The following STXBP5L variants were observed in gnomAD, a reference collection of about 807,000 sequenced individuals.
STXBP5L encodes syntaxin binding protein 5L.
A neutral mutation model predicts 144.5 loss-of-function variants in STXBP5L; 65 were observed. That is an observed-to-expected ratio of 0.45 (90% CI 0.37 to 0.55). The LOEUF is 0.55. Among genes scored for constraint, STXBP5L ranks in the 20% least tolerant of loss-of-function variants. The probability of loss-of-function intolerance (pLI) is 0.00; values close to 1 mark genes in which losing one functional copy is unlikely to be tolerated. For missense variants in STXBP5L, 1,298 were observed against 1,405.5 expected (o/e 0.92, Z 1.22); for synonymous variants, 505 against 469.6 (o/e 1.08, Z -0.97).
intron 18 of STXBP5L, among the ~76,000 whole-genome samples, chr3:121,275,994 A>G (rs1372648341): frequency 6.6e-6 from 1 of 151,944 alleles, no homozygotes. Context: ...AGTCATTTAC[A>G]TTAATATACT....
chr3:121,045,346 G>A, intron 4 of STXBP5L, 89 bp from the exon 5 acceptor site: 1 of 1,178,960 alleles, frequency 8.5e-7, no homozygotes, highest in Non-Finnish European at 1.2e-6. Context: ...TCTTCAGGTA[G>A]TAAACATTGA....
At chr3:121,085,313 T>C (rs1284834712) in intron 5 of STXBP5L, among the ~76,000 whole-genome samples, 1 of 152,144 alleles carries the variant, frequency 6.6e-6, no homozygotes, top group Non-Finnish European at 1.5e-5. Flanking sequence ...CTGAGTGGTA[T>C]TGCCTGGATT....
intron 20 of STXBP5L, among the ~76,000 whole-genome samples, chr3:121,338,800 G>T (rs1054767471): frequency 1.3e-5 from 2 of 151,868 alleles, no homozygotes; most frequent in Non-Finnish European, 2.9e-5. Context: ...AATCTATAGG[G>T]AATTAATAAA....
At position 121,192,097 on chromosome 3, in the gene STXBP5L, A is replaced by T. The variant is rs551799727; in HGVS notation, c.878-13826A>T. 8.7e-4 allele frequency among the ~76,000 whole-genome samples: 132 copies of T among 152,130 alleles called. 1 individual carries two copies. The highest frequency in any genetic ancestry group is 3.4e-3 in the Middle Eastern group (1 of 292). On this transcript the variant is annotated intron_variant, in intron 9 of 26. Transcript: ENST00000471454. ...GTAGCCTAGAACCGAAAGTATAATT[A>T]AAAAAAGCTGATAAGCAAATTCAGC...
chr3:121,209,864 G>A (rs1385647492), intron 10 of STXBP5L, among the ~76,000 whole-genome samples: 26 of 152,102 alleles, frequency 1.7e-4, no homozygotes, highest in African/African-American at 5.6e-4. Flanking sequence ...CCAAGTCTTT[G>A]CTATTGTGAA....
intron 2 of STXBP5L, among the ~76,000 whole-genome samples, chr3:120,941,004 C>T (rs1023088897): frequency 2.6e-5 from 4 of 151,544 alleles, no homozygotes; most frequent in Admixed American, 1.3e-4. Context: ...TTGATTCTCT[C>T]GTGTTTTGAA....
intron 3 of STXBP5L, among the ~76,000 whole-genome samples, chr3:121,038,910 C>G (rs959330057): frequency 6.6e-6 from 1 of 151,722 alleles, no homozygotes; most frequent in African/African-American, 2.4e-5. Context: ...ATCTTTCCAC[C>G]TATATCTTAA....
intron 2 of STXBP5L, among the ~76,000 whole-genome samples, chr3:120,935,698 T>C (rs565973379): frequency 6.6e-6 from 1 of 152,092 alleles, no homozygotes; most frequent in Non-Finnish European, 1.5e-5. Context: ...CTTCACATTT[T>C]TATGGTTTGC....
intron 20 of STXBP5L, among the ~76,000 whole-genome samples, chr3:121,376,326 G>A (rs189894443): frequency 1.3e-3 from 202 of 152,286 alleles, no homozygotes; most frequent in African/African-American, 4.6e-3. Flanking sequence ...TAACTGCACA[G>A]TAAGATGCTT....
At chr3:121,265,350 G>C (rs1458152884) in intron 18 of STXBP5L, among the ~76,000 whole-genome samples, 1 of 152,126 alleles carries the variant, frequency 6.6e-6, no homozygotes, top group Non-Finnish European at 1.5e-5. Context: ...CATGGAAACT[G>C]AACAACCTTT....
chr3:121,099,618 A>G (rs891436489), intron 5 of STXBP5L: 2 of 152,970 alleles, frequency 1.3e-5, no homozygotes, highest in African/African-American at 4.8e-5. Flanking sequence ...TAGAAAAGAC[A>G]TCCATACTCT....
At chr3:121,184,787 A>G (rs1413984134) in intron 9 of STXBP5L, among the ~76,000 whole-genome samples, 1 of 152,196 alleles carries the variant, frequency 6.6e-6, no homozygotes, top group Non-Finnish European at 1.5e-5. Context: ...GTTGAAATGA[A>G]AGAAAAAATG....
chr3:121,117,388 G>A (rs1042633895), intron 6 of STXBP5L, among the ~76,000 whole-genome samples: 6 of 151,708 alleles, frequency 4.0e-5, no homozygotes, highest in Admixed American at 2.0e-4. Context: ...CATTTAGACC[G>A]GATTTCCAAA....
At chr3:121,073,029 G>A (rs180724118) in intron 5 of STXBP5L, among the ~76,000 whole-genome samples, 85 of 152,278 alleles carry the variant, frequency 5.6e-4, no homozygotes, top group African/African-American at 1.8e-3. Context: ...GGCGGGCTTC[G>A]GCTACTGAAT....
At chr3:121,092,420 A>G (rs1320673945) in intron 5 of STXBP5L, among the ~76,000 whole-genome samples, 2 of 152,168 alleles carry the variant, frequency 1.3e-5, no homozygotes, top group African/African-American at 4.8e-5. Flanking sequence ...ATGTTCTTCC[A>G]TTTGTTTGTA....
chr3:120,969,903 T>C (rs681827), intron 3 of STXBP5L, among the ~76,000 whole-genome samples: 80,246 of 151,812 alleles, frequency 0.53, 21,758 homozygotes, highest in African/African-American at 0.62. Context: ...TGTGGTTAAG[T>C]GAATTTCTCT....
intron 20 of STXBP5L, among the ~76,000 whole-genome samples, chr3:121,351,871 G>A (rs1211848017): frequency 6.6e-6 from 1 of 152,118 alleles, no homozygotes; most frequent in African/African-American, 2.4e-5. Flanking sequence ...TAAGGTGTAA[G>A]TAAGGGATCC....
intron 3 of STXBP5L, among the ~76,000 whole-genome samples, chr3:120,978,794 T>C (rs1941396682): frequency 6.6e-6 from 1 of 152,148 alleles, no homozygotes; most frequent in Admixed American, 6.5e-5. Context: ...TCTGTTGGAG[T>C]TTGCTAGAGG....
chr3:121,189,647 A>G (rs1469253638), intron 9 of STXBP5L, among the ~76,000 whole-genome samples: 2 of 152,210 alleles, frequency 1.3e-5, no homozygotes, highest in African/African-American at 4.8e-5. Context: ...GTTTGAAGTC[A>G]GGTAGCGTGA....
Sources: allele counts gnomAD v4.1 joint callset (sites outside exome capture counted in the v4.1 genomes callset), GRCh38; gene constraint gnomAD v4.1.1; transcripts MANE v1.5; gene names NCBI Gene and HGNC (gene_info 2026-07-23, HGNC 2026-07-21).